Variants in NGEF observed in about 807,000 individuals in gnomAD.
The protein encoded by NGEF is ephexin-1.
NGEF carries 31 observed loss-of-function variants against 80.9 expected under a neutral mutation model. The ratio of observed to expected loss-of-function variants is 0.38; its 90% CI spans 0.29 to 0.52. The LOEUF (loss-of-function observed/expected upper bound fraction) is 0.52. Ranked by LOEUF, NGEF falls within the 20% of genes least tolerant of loss-of-function variation. NGEF has a pLI of 0.84. For missense variants in NGEF, 709 were observed against 926.2 expected, an observed-to-expected ratio of 0.77 and a Z score of 3.04; for synonymous variants, 371 against 370.2, an observed-to-expected ratio of 1.00 and a Z score of -0.03.
chr2:232,962,967 A>C (rs1693984580), intron 3 of NGEF, among the ~76,000 whole-genome samples: 1 of 151,998 alleles, frequency 6.6e-6, no homozygotes, highest in Non-Finnish European at 1.5e-5. Flanking sequence ...CGTATGCATT[A>C]AACCTGAAAT....
At chr2:233,000,327 G>A (rs1308546211) in intron 1 of NGEF, among the ~76,000 whole-genome samples, 2 of 152,122 alleles carry the variant, frequency 1.3e-5, no homozygotes, top group East Asian at 1.9e-4. Flanking sequence ...GAACTCCTGG[G>A]CTCAAGCGAT....
intron 4 of NGEF, among the ~76,000 whole-genome samples, chr2:232,921,627 C>CTTT (rs34498818): frequency 7.0e-4 from 98 of 139,668 alleles, no homozygotes; most frequent in African/African-American, 1.6e-3. Context: ...AGTTTTTCCT[C>CTTT]TTTTTTTTTT....
intron 5 of NGEF, among the ~76,000 whole-genome samples, chr2:232,912,112 C>T (rs1239987373): frequency 6.6e-6 from 1 of 152,240 alleles, no homozygotes; most frequent in Non-Finnish European, 1.5e-5. Flanking sequence ...TTCAGTCCTT[C>T]ACCATTAAGT....
chr2:232,970,440 A>T, intron 2 of NGEF, 112 bp from the exon 3 acceptor site: 1 of 677,440 alleles, frequency 1.5e-6, no homozygotes, highest in Non-Finnish European at 2.5e-6. Flanking sequence ...TGGAGGAAGC[A>T]GAGTGGGAAG....
At chr2:232,909,863 C>T (rs1383548165) in intron 5 of NGEF, among the ~76,000 whole-genome samples, 3 of 152,232 alleles carry the variant, frequency 2.0e-5, no homozygotes, top group South Asian at 2.1e-4. Context: ...AGAAATGGAA[C>T]GACACAGTAT....
At chr2:232,886,729 T>C (rs2106220007) in intron 9 of NGEF, among the ~76,000 whole-genome samples, 1 of 152,392 alleles carries the variant, frequency 6.6e-6, no homozygotes, top group East Asian at 1.9e-4. Flanking sequence ...GGCCCAGGGC[T>C]GACCTCAGGG....
intron 4 of NGEF, among the ~76,000 whole-genome samples, chr2:232,925,624 G>A (rs34448395): frequency 2.0e-5 from 3 of 152,166 alleles, no homozygotes; most frequent in Non-Finnish European, 4.4e-5. Context: ...CAGTGCAGAA[G>A]GGAGGCACGA....
chr2:233,007,580 G>A (rs936541739), intron 1 of NGEF, among the ~76,000 whole-genome samples: 7 of 152,182 alleles, frequency 4.6e-5, no homozygotes, highest in Admixed American at 2.6e-4. Context: ...GAAGATGCTG[G>A]CTGTCTATGC....
At chr2:232,966,626 C>T (rs570386304) in intron 3 of NGEF, among the ~76,000 whole-genome samples, 2,070 of 151,980 alleles carry the variant, frequency 0.014, 66 homozygotes, top group Non-Finnish European at 0.013. Context: ...CTCCCCCAAA[C>T]AAAACCCAGT....
At chr2:232,980,912 C>T (rs568732115) in intron 1 of NGEF, among the ~76,000 whole-genome samples, 85 of 152,156 alleles carry the variant, frequency 5.6e-4, no homozygotes, top group South Asian at 4.6e-3. Context: ...GCGAGAGCAG[C>T]GGCCCTTGCT....
rs1227862392 is a variant in NGEF, at chr2:232,927,128, C to T, written c.442G>A (p.Asp148Asn). 21 of 1,611,292 alleles carry T rather than the reference C, an allele frequency of 1.3e-5. No homozygotes were observed. Among genetic ancestry groups the T allele is most frequent in the Non-Finnish European group, 1.8e-5 (21 of 1,179,094 alleles). Reference sequence around the variant, plus strand: ...GCCTCGGTGAGCGTGGTGGGGCTGTCGGCCAGGGCCGGCCACTCCTCGGGC... The same window carrying T: ...GCCTCGGTGAGCGTGGTGGGGCTGTTGGCCAGGGCCGGCCACTCCTCGGGC... ...ATPEEWPALA[D>N]SPTTLTEALR... The change falls in exon 4 of 15, where the codon GAC (aspartate) becomes AAC (asparagine). Residue 148 changes from aspartate (D) to asparagine (N), a missense_variant. Physicochemically the swap from Asp to Asn is conservative, Grantham distance 23. This residue lies in a region of NGEF where 283 missense variants were observed against 303.4 expected (regional missense o/e 0.93). Coordinates refer to ENST00000264051, the MANE Select transcript of NGEF (RefSeq NM_019850.3).
In NGEF at chr2:232,974,934, A is replaced by G. The variant is rs772798104; in HGVS notation, c.-44T>C. 5.7e-6 allele frequency: 9 copies of G among 1,586,704 alleles called. No homozygotes were observed. The highest frequency in any genetic ancestry group is 7.7e-6 in the Non-Finnish European group (9 of 1,168,544). On this transcript the variant is annotated 5_prime_UTR_variant, in exon 2 of 15. Coordinates refer to ENST00000264051, the MANE Select transcript of NGEF (RefSeq NM_019850.3). ...TTCTCAGCAGAACGACTGGAGGTCA[A>G]TGACTTTCCCAAGCTTCACTGGTTT... is the stretch of plus-strand genomic sequence containing the variant.
chr2:233,011,965 A>G (rs1027566395), intron 1 of NGEF, among the ~76,000 whole-genome samples: 1 of 152,112 alleles, frequency 6.6e-6, no homozygotes, highest in Non-Finnish European at 1.5e-5. Flanking sequence ...GTCTCCCTTC[A>G]TGGACCAGAA....
At chr2:233,000,945 C>A (rs1394667808) in intron 1 of NGEF, among the ~76,000 whole-genome samples, 2 of 152,038 alleles carry the variant, frequency 1.3e-5, no homozygotes, top group Non-Finnish European at 2.9e-5. Context: ...TCAGTTTAAC[C>A]CGATTTCTCG....
chr2:232,966,609 CT>C (rs1369437199), intron 3 of NGEF, among the ~76,000 whole-genome samples: 1 of 63,744 alleles, frequency 1.6e-5, no homozygotes, highest in Non-Finnish European at 2.9e-5. Flanking sequence ...TCACAGCACC[CT>C]GACAACTCCC....
chr2:232,977,120 G>T (rs1247546889), intron 1 of NGEF, among the ~76,000 whole-genome samples: 1 of 152,126 alleles, frequency 6.6e-6, no homozygotes, highest in Non-Finnish European at 1.5e-5. Flanking sequence ...AGGGGATGAG[G>T]TTGCAATAAG....
At chr2:232,936,945 C>T (rs1448368744) in intron 3 of NGEF, among the ~76,000 whole-genome samples, 1 of 151,958 alleles carries the variant, frequency 6.6e-6, no homozygotes, top group Non-Finnish European at 1.5e-5. Context: ...CTTTGCAGGT[C>T]TCTAATCTGA....
chr2:232,989,213 C>T (rs779759616), intron 1 of NGEF, among the ~76,000 whole-genome samples: 1 of 152,050 alleles, frequency 6.6e-6, no homozygotes, highest in Non-Finnish European at 1.5e-5. Flanking sequence ...TTTGGGAGCC[C>T]GAGGTGGGTG....
intron 3 of NGEF, among the ~76,000 whole-genome samples, chr2:232,951,618 G>GA (rs1693680376): frequency 6.6e-6 from 1 of 152,134 alleles, no homozygotes; most frequent in Non-Finnish European, 1.5e-5. Flanking sequence ...GACAGAAAGG[G>GA]AATCAGAGAT....
Sources: allele counts gnomAD v4.1 joint callset (sites outside exome capture counted in the v4.1 genomes callset), GRCh38; gene constraint gnomAD v4.1.1; regional missense constraint gnomAD v4.1.1; transcripts MANE v1.5; gene names NCBI Gene and HGNC (gene_info 2026-07-23, HGNC 2026-07-21).